Variants in SUMF1 observed in about 807,000 individuals in gnomAD.
SUMF1 encodes the protein sulfatase modifying factor 1.
In SUMF1, 48 loss-of-function variants were observed where a neutral mutation model predicts 47.6. The observed-to-expected ratio is 1.01, with a 90% CI of 0.80 to 1.28. The LOEUF (loss-of-function observed/expected upper bound fraction) is 1.28, where lower values mean the gene tolerates loss of function less well. Among genes scored for constraint, SUMF1 ranks in the 50% most tolerant of loss-of-function variants. SUMF1 has a pLI of 0.00. For synonymous variants in SUMF1, 230 were observed against 192.1 expected, an observed-to-expected ratio of 1.20 and a Z score of -1.63; for missense variants, 571 against 485.4, an observed-to-expected ratio of 1.18 and a Z score of -1.66.
At chr3:4,062,483 AG>A (rs1338237969) in intron 9 of SUMF1, among the ~76,000 whole-genome samples, 4 of 152,168 alleles carry the variant, frequency 2.6e-5, no homozygotes, top group Non-Finnish European at 5.9e-5. Flanking sequence ...TCCCAGCATC[AG>A]GAAGTGGTTG....
intron 8 of SUMF1, among the ~76,000 whole-genome samples, chr3:4,213,943 T>G (rs540912438): frequency 6.6e-6 from 1 of 152,248 alleles, no homozygotes; most frequent in South Asian, 2.1e-4. Context: ...AGACTCAGAC[T>G]TCCACACGAT....
chr3:4,059,875 T>C (rs546636660), intron 9 of SUMF1, among the ~76,000 whole-genome samples: 8 of 151,340 alleles, frequency 5.3e-5, no homozygotes, highest in South Asian at 4.2e-4. Context: ...GGTGATGTGC[T>C]GGATAAGGAG....
At chr3:4,226,889 C>T (rs577276443) in intron 8 of SUMF1, among the ~76,000 whole-genome samples, 1 of 152,246 alleles carries the variant, frequency 6.6e-6, no homozygotes, top group East Asian at 1.9e-4. Flanking sequence ...CTCCCGTCCC[C>T]TACTCCAGTG....
chr3:4,339,208 C>T (rs767145076), intron 8 of SUMF1, among the ~76,000 whole-genome samples: 3 of 152,302 alleles, frequency 2.0e-5, no homozygotes, highest in Middle Eastern at 3.4e-3. Flanking sequence ...CTCCCATGTC[C>T]AATCCTTCCG....
In SUMF1 at chr3:4,209,617, AAAC is replaced by A. The variant is rs138516677; in HGVS notation, c.1015-140875_1015-140873del. On this transcript the variant is annotated intron_variant and NMD_transcript_variant, in intron 8 of 12. Transcript: ENST00000448413. ...TAGATCTTAGAGATCAAGAAGAAAA[AAAC>A]AACAATATAATAGAAAAATAACATT... 7.4e-3 allele frequency among the ~76,000 whole-genome samples: 1,130 copies of A among 152,234 alleles called. 13 individuals are homozygous for A. Among genetic ancestry groups the A allele is most frequent in the African/African-American group, 0.026 (1,080 of 41,554 alleles).
chr3:4,328,682 T>C (rs529107939), intron 8 of SUMF1, among the ~76,000 whole-genome samples: 2 of 152,216 alleles, frequency 1.3e-5, no homozygotes, highest in East Asian at 1.9e-4. Context: ...AGTCAAACCA[T>C]ATCATTCTGC....
chr3:4,466,655 A>G (rs558348127), intron 1 of SUMF1, among the ~76,000 whole-genome samples: 14 of 152,334 alleles, frequency 9.2e-5, no homozygotes, highest in African/African-American at 2.9e-4. Context: ...TCCGTTAATA[A>G]GAGAGGAAAT....
At chr3:4,072,853 G>A (rs995968196) in intron 8 of SUMF1, among the ~76,000 whole-genome samples, 7 of 152,148 alleles carry the variant, frequency 4.6e-5, no homozygotes, top group South Asian at 2.1e-4. Context: ...CCAAACCTAC[G>A]TTTGACTGGT....
At chr3:4,071,813 A>T (rs1695532960) in intron 8 of SUMF1, among the ~76,000 whole-genome samples, 1 of 151,892 alleles carries the variant, frequency 6.6e-6, no homozygotes, top group East Asian at 1.9e-4. Context: ...TTAGAGAAAA[A>T]CCCCTCATCT....
Position 4,239,442 on chromosome 3 carries a change from T to C in SUMF1, c.1014+136888A>G, listed in dbSNP as rs1696487719. Among the ~76,000 whole-genome samples the C allele has an allele frequency of 2.0e-5, 3 of 152,180 alleles. No individual in the cohort carries two copies. The South Asian group carries it at 6.2e-4, about 32-fold the overall frequency. On this transcript the variant is annotated intron_variant and NMD_transcript_variant, in intron 8 of 12. Coordinates refer to the SUMF1 transcript ENST00000448413. ...TTTCCCATTTGTTTGTGTTCTCTCT[T>C]ATTTTCTTGAGCAGTGGTTTGCAGT...
chr3:4,135,671 G>A (rs531201412), intron 8 of SUMF1, among the ~76,000 whole-genome samples: 2 of 152,166 alleles, frequency 1.3e-5, no homozygotes, highest in African/African-American at 2.4e-5. Flanking sequence ...ATTAGGAAAT[G>A]AGGAAGTCAA....
chr3:4,305,013 G>C (rs1379785351), intron 8 of SUMF1, among the ~76,000 whole-genome samples: 2 of 151,982 alleles, frequency 1.3e-5, no homozygotes, highest in African/African-American at 2.4e-5. Flanking sequence ...TAATTTTTCT[G>C]GTTAACAATT....
rs35648890 is a variant in SUMF1, at chr3:4,326,522, G to GTTTTTTTTTTTTTT, written c.1014+49807_1014+49808insAAAAAAAAAAAAAA. Among the ~76,000 whole-genome samples the GTTTTTTTTTTTTTT allele has an allele frequency of 2.5e-3, 327 of 128,606 alleles. 17 individuals are homozygous for GTTTTTTTTTTTTTT. Among genetic ancestry groups the GTTTTTTTTTTTTTT allele is most frequent in the African/African-American group, 8.1e-3 (239 of 29,594 alleles). The allele number at this position is 128,606 out of a possible 152,430, so 84.4% of individuals were successfully genotyped here. A position where few individuals can be genotyped will look rare whatever the true frequency, so the allele number is the denominator to read the frequency against. ...ATGTACAAGGCCAGTTTTTCCAAGG[G>GTTTTTTTTTTTTTT]TTTTTTTTTTTTTGAGATAGATCCT... On this transcript the variant is annotated intron_variant and NMD_transcript_variant, in intron 8 of 12. Coordinates refer to the SUMF1 transcript ENST00000448413.
intron 8 of SUMF1, among the ~76,000 whole-genome samples, chr3:4,308,279 T>C (rs1698269844): frequency 6.6e-6 from 1 of 152,204 alleles, no homozygotes; most frequent in Non-Finnish European, 1.5e-5. Flanking sequence ...CTTATTTTCT[T>C]CACTACCCTA....
At chr3:4,240,480 C>T (rs1203977195) in intron 8 of SUMF1, among the ~76,000 whole-genome samples, 1 of 149,828 alleles carries the variant, frequency 6.7e-6, no homozygotes, top group African/African-American at 2.5e-5. Flanking sequence ...ACCTTTGGTA[C>T]TATTTTATTT....
intron 8 of SUMF1, among the ~76,000 whole-genome samples, chr3:4,111,345 TG>T (rs1693302269): frequency 6.6e-6 from 1 of 152,056 alleles, no homozygotes; most frequent in South Asian, 2.1e-4. Flanking sequence ...AAGGGTAAAC[TG>T]TAGTATAAAA....
chr3:4,190,991 A>G (rs1490526696), intron 8 of SUMF1, among the ~76,000 whole-genome samples: 1 of 152,198 alleles, frequency 6.6e-6, no homozygotes, highest in Non-Finnish European at 1.5e-5. Flanking sequence ...CAAATAAGAC[A>G]GGTTATTGAG....
rs111689411 is a variant in SUMF1, at chr3:4,078,742, TAA to T, written c.1015-9999_1015-9998del. On this transcript the variant is annotated intron_variant and NMD_transcript_variant, in intron 8 of 12. Coordinates refer to the SUMF1 transcript ENST00000448413. ...GGCAACACAGTGAGACCCCCATCTC[TAA>T]AAAAAAAAATCAAAAAAAGTTTTAA... 2.0e-5 allele frequency among the ~76,000 whole-genome samples: 3 copies of T among 146,836 alleles called. No homozygotes were observed. The South Asian group carries it at 6.4e-4, about 31-fold the overall frequency.
At chr3:4,397,987 G>T (rs1402595486) in intron 7 of SUMF1, among the ~76,000 whole-genome samples, 2 of 151,912 alleles carry the variant, frequency 1.3e-5, no homozygotes, top group Admixed American at 1.3e-4. Flanking sequence ...TCCCATAAAG[G>T]GTATTACTAT....
Sources: gnomAD v4.1 joint callset for allele counts (sites outside exome capture counted in the v4.1 genomes callset) on GRCh38, gnomAD v4.1.1 for gene constraint, MANE v1.5 for transcripts, NCBI Gene and HGNC (gene_info 2026-07-23, HGNC 2026-07-21) for gene names.